The following CIMAP3 variants were observed in gnomAD, a reference collection of about 807,000 sequenced individuals.
CIMAP3 encodes ciliary microtubule associated protein 3.
the CIMAP3 span, among the ~76,000 whole-genome samples, chr1:111,331,681 G>C: frequency 6.6e-6 from 1 of 151,076 alleles, no homozygotes; most frequent in African/African-American, 2.4e-5. Context: ...TTCTTTTTTG[G>C]GGGGGGCATT....
chr1:111,332,620 G>A, the CIMAP3 span, among the ~76,000 whole-genome samples: 11 of 152,188 alleles, frequency 7.2e-5, no homozygotes, highest in Non-Finnish European at 1.5e-4. Flanking sequence ...CTGGCATGTA[G>A]GTTCAAGGTC....
chr1:111,333,515 T>G, the CIMAP3 span, among the ~76,000 whole-genome samples: 2 of 152,184 alleles, frequency 1.3e-5, no homozygotes, highest in Non-Finnish European at 2.9e-5. Context: ...ATCTCCAAAC[T>G]GGGCTCAGGG....
At chr1:111,339,526 T>C in the CIMAP3 span, among the ~76,000 whole-genome samples, 2 of 151,300 alleles carry the variant, frequency 1.3e-5, no homozygotes, top group Admixed American at 1.3e-4. Flanking sequence ...ACAAAATCAA[T>C]GTGCAAAAAT....
At chr1:111,343,789 A>T in the CIMAP3 span, among the ~76,000 whole-genome samples, 2 of 152,248 alleles carry the variant, frequency 1.3e-5, no homozygotes, top group Admixed American at 6.5e-5. Context: ...TATGTTGATC[A>T]CATTGGCAAT....
chr1:111,347,002 C>T, the CIMAP3 span: 1 of 1,613,998 alleles, frequency 6.2e-7, no homozygotes, highest in Non-Finnish European at 8.5e-7. Flanking sequence ...CAAGTTTGTC[C>T]CTCTTAGGGG....
the CIMAP3 span, among the ~76,000 whole-genome samples, chr1:111,331,730 A>AT: frequency 1.1e-4 from 17 of 147,886 alleles, no homozygotes; most frequent in Admixed American, 2.0e-4. Context: ...TTACTGGAGA[A>AT]TTTTTTTTTT....
At chr1:111,324,765 C>T in the CIMAP3 span, 5 of 985,240 alleles carry the variant, frequency 5.1e-6, no homozygotes, top group African/African-American at 1.7e-5. Context: ...CCCCTGAGGA[C>T]CTGTTCTTGC....
At chr1:111,346,984 A>G in the CIMAP3 span, 1 of 1,613,926 alleles carries the variant, frequency 6.2e-7, no homozygotes, top group East Asian at 2.2e-5. Flanking sequence ...CCCGAATTTG[A>G]TTGGGAACAA....
At chr1:111,343,202 T>A in the CIMAP3 span, among the ~76,000 whole-genome samples, 1 of 152,232 alleles carries the variant, frequency 6.6e-6, no homozygotes, top group African/African-American at 2.4e-5. Context: ...GGTAATCAGC[T>A]TTTCCTCTGT....
At chr1:111,338,372 C>T in the CIMAP3 span, among the ~76,000 whole-genome samples, 2 of 151,344 alleles carry the variant, frequency 1.3e-5, no homozygotes, top group African/African-American at 4.9e-5. Flanking sequence ...GAAATAGAGA[C>T]ACAAAAAAAC....
the CIMAP3 span, chr1:111,346,863 A>C: frequency 1.2e-6 from 2 of 1,604,470 alleles, no homozygotes; most frequent in South Asian, 2.2e-5. Flanking sequence ...GCGCTCACGT[A>C]GACCCAGGTG....
the CIMAP3 span, among the ~76,000 whole-genome samples, chr1:111,343,410 C>A: frequency 6.6e-6 from 1 of 152,170 alleles, no homozygotes; most frequent in Non-Finnish European, 1.5e-5. Context: ...TCTCATAAAG[C>A]TATAACAGTC....
At chr1:111,342,810 A>G in the CIMAP3 span, among the ~76,000 whole-genome samples, 1 of 152,212 alleles carries the variant, frequency 6.6e-6, no homozygotes, top group African/African-American at 2.4e-5. Flanking sequence ...AATTTTCCAC[A>G]TGCTTGTTCT....
At chr1:111,334,901 G>A in the CIMAP3 span, among the ~76,000 whole-genome samples, 1 of 152,074 alleles carries the variant, frequency 6.6e-6, no homozygotes, top group Non-Finnish European at 1.5e-5. Context: ...GCTGAGGTTG[G>A]CAGATCACTT....
At chr1:111,329,843 C>G in the CIMAP3 span, among the ~76,000 whole-genome samples, 1 of 152,030 alleles carries the variant, frequency 6.6e-6, no homozygotes, top group Non-Finnish European at 1.5e-5. Context: ...TGTGAGCCAC[C>G]ACACCCAGTC....
At chr1:111,351,175 T>TTTG in the CIMAP3 span, 1 of 932,248 alleles carries the variant, frequency 1.1e-6, no homozygotes, top group East Asian at 2.7e-5. Context: ...AGTTTTTTTT[T>TTTG]TTTTTTTTTT....
chr1:111,325,789 G>T, the CIMAP3 span, among the ~76,000 whole-genome samples: 1 of 152,112 alleles, frequency 6.6e-6, no homozygotes, highest in Non-Finnish European at 1.5e-5. Context: ...AATTAGTCCA[G>T]AATTAAGAGA....
At chr1:111,350,484 CAG>C in the CIMAP3 span, among the ~76,000 whole-genome samples, 1 of 152,072 alleles carries the variant, frequency 6.6e-6, no homozygotes, top group African/African-American at 2.4e-5. Context: ...GTGGTAGGTA[CAG>C]AGGAAATATC....
At chr1:111,349,841 G>A in the CIMAP3 span, 1 of 349,004 alleles carries the variant, frequency 2.9e-6, no homozygotes, top group Non-Finnish European at 5.3e-6. Context: ...CTCAGCTATA[G>A]ATACTGAGGT....
Sources: allele counts gnomAD v4.1 joint callset (sites outside exome capture counted in the v4.1 genomes callset), GRCh38; gene constraint gnomAD v4.1.1; transcripts MANE v1.5; gene names NCBI Gene and HGNC (gene_info 2026-07-23, HGNC 2026-07-21).